NNT: variants seen among roughly 807,000 people sequenced by gnomAD.
NNT encodes the protein NAD(P) transhydrogenase, mitochondrial.
Under a neutral mutation model 104.8 loss-of-function variants are expected in NNT, and 50 were observed. That is an observed-to-expected ratio of 0.48 (90% confidence interval 0.38 to 0.60). The LOEUF is 0.60. Ranked by LOEUF, NNT falls within the 20% of genes least tolerant of loss-of-function variation. NNT has a pLI of 0.00. For missense variants in NNT, 1,131 were observed against 1,330.7 expected (o/e 0.85, Z 2.33); for synonymous variants, 461 against 490.4 (o/e 0.94, Z 0.79).
At chr5:43,642,283 G>T (rs1751278353) in intron 7 of NNT, among the ~76,000 whole-genome samples, 1 of 152,170 alleles carries the variant, frequency 6.6e-6, no homozygotes, top group Admixed American at 6.5e-5. Context: ...CTATGTTGAG[G>T]CGGCCATATG....
At chr5:43,650,415 C>T in intron 11 of NNT, 62 bp from the exon 12 acceptor site, 1 of 1,191,738 alleles carries the variant, frequency 8.4e-7, no homozygotes, top group South Asian at 1.2e-5. Flanking sequence ...GGTACTTCAG[C>T]TATGATATTT....
intron 17 of NNT, among the ~76,000 whole-genome samples, chr5:43,662,085 T>C (rs1168157698): frequency 6.6e-6 from 1 of 152,250 alleles, no homozygotes; most frequent in African/African-American, 2.4e-5. Flanking sequence ...GACTTGTTTC[T>C]AGTTCTTGAA....
chr5:43,652,900 A>G (rs1739838578), intron 13 of NNT, 118 bp from the exon 14 acceptor site: 1 of 710,956 alleles, frequency 1.4e-6, no homozygotes, highest in East Asian at 2.7e-5. Context: ...TATAAGTGCA[A>G]ATACAATATA....
At chr5:43,627,584 A>G (rs568387619) in intron 6 of NNT, among the ~76,000 whole-genome samples, 1 of 152,324 alleles carries the variant, frequency 6.6e-6, no homozygotes, top group South Asian at 2.1e-4. Context: ...TTTTCCAACC[A>G]GGAGACAGTA....
chr5:43,667,272 C>G, intron 17 of NNT: 1 of 735,706 alleles, frequency 1.4e-6, no homozygotes, highest in South Asian at 1.5e-5. Context: ...TGCCTAGAAC[C>G]CTATTTTTTA....
chr5:43,609,407 G>T, intron 2 of NNT, 61 bp downstream of exon 2: 1 of 1,523,188 alleles, frequency 6.6e-7, no homozygotes, highest in South Asian at 1.2e-5. Context: ...TAATAGATCT[G>T]ATGATTGATA....
chr5:43,700,569 C>G (rs559961371), intron 20 of NNT, among the ~76,000 whole-genome samples: 49 of 152,290 alleles, frequency 3.2e-4, no homozygotes, highest in African/African-American at 1.1e-3. Context: ...GCTTGTTACC[C>G]AACCTCAGGC....
intron 21 of NNT, 60 bp from the exon 22 acceptor site, chr5:43,704,195 C>T: frequency 7.0e-7 from 1 of 1,438,448 alleles, no homozygotes; most frequent in Admixed American, 2.6e-5. Flanking sequence ...TGTTTGTTTG[C>T]CTAACATGTC....
chr5:43,635,332 G>T (rs1358620782), intron 7 of NNT, among the ~76,000 whole-genome samples: 1 of 152,146 alleles, frequency 6.6e-6, no homozygotes, highest in African/African-American at 2.4e-5. Flanking sequence ...GGCTATGAAG[G>T]TTGCTCTGGG....
chr5:43,665,913 C>T (rs190709246), intron 17 of NNT, among the ~76,000 whole-genome samples: 3 of 151,698 alleles, frequency 2.0e-5, no homozygotes, highest in Non-Finnish European at 4.4e-5. Flanking sequence ...ACTTCCCGGA[C>T]GGGGTGGCGG....
At chr5:43,639,182 G>T (rs1304958624) in intron 7 of NNT, among the ~76,000 whole-genome samples, 1 of 152,082 alleles carries the variant, frequency 6.6e-6, no homozygotes, top group African/African-American at 2.4e-5. Context: ...AAACAAAAAA[G>T]CAGAACTTAG....
chr5:43,645,447 GA>G lies in NNT; in HGVS notation c.1386del (p.Ala463GlnfsTer34). 1.9e-6 allele frequency: 3 copies of G among 1,575,416 alleles called. No homozygotes were observed. Among genetic ancestry groups the G allele is most frequent in the African/African-American group, 1.4e-5 (1 of 73,188 alleles). On this transcript the variant is annotated frameshift_variant, in exon 10 of 22. Transcript: ENST00000344920. LOFTEE classifies it high-confidence loss of function. ...KQKTVAELEA[E>X]KAATITPFRK... Reference sequence around the variant, plus strand: ...GAAGACAGTGGCTGAGCTGGAAGCTGAAAAAGCAGCTACCATTACACCCTTC... The same window carrying G: ...GAAGACAGTGGCTGAGCTGGAAGCTGAAAAGCAGCTACCATTACACCCTTC...
At chr5:43,645,671 CTCTCTCTCTCTCTATATA>C (rs1368532389) in intron 10 of NNT, 161 bp downstream of exon 10, 4 of 87,970 alleles carry the variant, frequency 4.5e-5, no homozygotes, top group African/African-American at 1.9e-4. Flanking sequence ...CTCTCTCTCT[CTCTCTCTCTCTCTATATA>C]TATATATATA....
At chr5:43,698,682 TA>T (rs2112238856) in intron 19 of NNT, among the ~76,000 whole-genome samples, 1 of 152,014 alleles carries the variant, frequency 6.6e-6, no homozygotes, top group South Asian at 2.1e-4. Context: ...TAGCCTAGAG[TA>T]AAATTGGTTT....
At chr5:43,642,777 TC>T (rs1260653241) in intron 7 of NNT, among the ~76,000 whole-genome samples, 2 of 152,188 alleles carry the variant, frequency 1.3e-5, no homozygotes, top group African/African-American at 4.8e-5. Flanking sequence ...CATAAACACT[TC>T]ACTTGTATCT....
chr5:43,619,910 A>G (rs937386646), intron 5 of NNT, among the ~76,000 whole-genome samples: 8 of 152,106 alleles, frequency 5.3e-5, no homozygotes, highest in Non-Finnish European at 2.9e-5. Flanking sequence ...GGCGTGTGCA[A>G]AAAAGATCAC....
Position 43,624,088 on chromosome 5 carries a change from G to T in NNT, c.744G>T (p.Ser248=), listed in dbSNP as rs1266897025. ...AGLASAGAAK[S]MGAIVRGFDT... ...TTGCTTCTGCAGGCGCAGCAAAGTC[G>T]ATGGGTGCAATTGTTCGAGGATTTG... The change falls in exon 6 of 22, where the codon TCG becomes TCT. Residue 248 remains serine (S), a synonymous_variant. Coordinates refer to ENST00000344920, the MANE Select transcript of NNT (RefSeq NM_182977.3). 1.2e-6 allele frequency: 2 copies of T among 1,614,150 alleles called. No individual in the cohort carries two copies. The highest frequency in any genetic ancestry group is 1.7e-5 in the Admixed American group (1 of 60,026).
intron 3 of NNT, among the ~76,000 whole-genome samples, chr5:43,613,941 C>T (rs1394117158): frequency 6.6e-6 from 1 of 152,158 alleles, no homozygotes; most frequent in African/African-American, 2.4e-5. Context: ...GATCCTAACA[C>T]TTGACAGGTG....
At chr5:43,665,206 TTTTATTTA>T (rs752285609) in intron 17 of NNT, among the ~76,000 whole-genome samples, 60 of 149,546 alleles carry the variant, frequency 4.0e-4, no homozygotes, top group African/African-American at 1.1e-3. Flanking sequence ...TTTTCTGGTA[TTTTATTTA>T]TTTATTTATT....
Sources: allele counts gnomAD v4.1 joint callset (sites outside exome capture counted in the v4.1 genomes callset), GRCh38; gene constraint gnomAD v4.1.1; transcripts MANE v1.5; gene names NCBI Gene and HGNC (gene_info 2026-07-23, HGNC 2026-07-21).